NAV3: variants seen among roughly 807,000 people sequenced by gnomAD.
The protein encoded by NAV3 is pore membrane and/or filament interacting like protein 1.
A neutral mutation model predicts 244.7 loss-of-function variants in NAV3; 87 were observed. That is an observed-to-expected ratio of 0.36 (90% confidence interval 0.30 to 0.42). The LOEUF is 0.42. Among genes scored for constraint, NAV3 ranks in the 20% least tolerant of loss-of-function variants. NAV3 has a pLI of 1.00. For synonymous variants in NAV3, 1,126 were observed against 1,042.2 expected, an observed-to-expected ratio of 1.08 and a Z score of -1.55; for missense variants, 2,663 against 2,893.3, an observed-to-expected ratio of 0.92 and a Z score of 1.83.
At chr12:77,653,125 A>G (rs1872903781) in intron 2 of NAV3, among the ~76,000 whole-genome samples, 1 of 152,216 alleles carries the variant, frequency 6.6e-6, no homozygotes, top group Admixed American at 6.5e-5. Flanking sequence ...GGGTTACAGA[A>G]TGCAACATAG....
intron 2 of NAV3, among the ~76,000 whole-genome samples, chr12:77,642,899 A>G (rs969040530): frequency 2.6e-5 from 4 of 152,108 alleles, no homozygotes; most frequent in African/African-American, 9.6e-5. Context: ...AACCTTATAA[A>G]CATATCCATC....
At chr12:78,088,097 T>A (rs932767498) in intron 12 of NAV3, among the ~76,000 whole-genome samples, 5 of 151,114 alleles carry the variant, frequency 3.3e-5, no homozygotes. Context: ...CTCATATAAC[T>A]TATGAGGGTC....
At chr12:77,861,019 C>T (rs1305004466) in intron 1 of NAV3, among the ~76,000 whole-genome samples, 2 of 151,798 alleles carry the variant, frequency 1.3e-5, no homozygotes. Flanking sequence ...TTGCAAAATT[C>T]CATTAATTCC....
At chr12:78,112,901 G>A (rs748550716) in intron 12 of NAV3, among the ~76,000 whole-genome samples, 4 of 152,068 alleles carry the variant, frequency 2.6e-5, no homozygotes, top group Admixed American at 6.6e-5. Flanking sequence ...CTGTAAATTC[G>A]AAAGCAAGTT....
rs183212974 is a variant in NAV3, at chr12:77,655,386, C to T, written c.72+83120C>T. Among the ~76,000 whole-genome samples, 1,013 of 151,966 alleles carry T rather than the reference C, an allele frequency of 6.7e-3. 10 individuals are homozygous for T. The highest frequency in any genetic ancestry group is 0.023 in the African/African-American group (969 of 41,450). On this transcript the variant is annotated intron_variant, in intron 2 of 8. Transcript: ENST00000550042. ...GGAAGATGAAATGAATGAAGTGAAG[C>T]GAGAAGGGAAGTTTAGAGAAAAAAG... is the stretch of plus-strand genomic sequence containing the variant.
At chr12:78,200,635 AAGC>A in intron 38 of NAV3, 44 bp downstream of exon 38, 1 of 1,246,070 alleles carries the variant, frequency 8.0e-7, no homozygotes, top group Non-Finnish European at 1.1e-6. Flanking sequence ...TAAAAAAAAA[AAGC>A]AAAAAAAATT....
intron 2 of NAV3, among the ~76,000 whole-genome samples, chr12:77,708,866 G>A (rs1314172772): frequency 1.3e-5 from 2 of 152,146 alleles, no homozygotes; most frequent in African/African-American, 4.8e-5. Context: ...CTGTTTGTCT[G>A]TTATTGGTGT....
chr12:78,036,664 C>G, intron 9 of NAV3: 1 of 490,748 alleles, frequency 2.0e-6, no homozygotes. Flanking sequence ...GTAAGTACTG[C>G]TGATTAGTAA....
intron 1 of NAV3, among the ~76,000 whole-genome samples, chr12:77,907,563 G>A (rs1886122341): frequency 6.6e-6 from 1 of 152,122 alleles, no homozygotes; most frequent in African/African-American, 2.4e-5. Context: ...TTTTAGGGCA[G>A]TGATGTGCCA....
intron 2 of NAV3, among the ~76,000 whole-genome samples, chr12:77,658,391 C>T (rs879659109): frequency 0.031 from 4,703 of 150,126 alleles, 133 homozygotes; most frequent in Middle Eastern, 0.034. Context: ...CCTAGGAATC[C>T]ACCTTACAAG....
chr12:78,023,500 A>G (rs999271307), intron 9 of NAV3, among the ~76,000 whole-genome samples: 9 of 152,304 alleles, frequency 5.9e-5, no homozygotes, highest in African/African-American at 2.2e-4. Flanking sequence ...CATAGTTTTC[A>G]GTCTAGGATT....
intron 1 of NAV3, among the ~76,000 whole-genome samples, chr12:77,933,373 A>G (rs1889009352): frequency 6.6e-6 from 1 of 152,204 alleles, no homozygotes; most frequent in South Asian, 2.1e-4. Context: ...GATAAAATTA[A>G]CAGCACTAGG....
chr12:77,657,987 C>CAATAT (rs2137020803), intron 2 of NAV3, among the ~76,000 whole-genome samples: 2 of 152,034 alleles, frequency 1.3e-5, no homozygotes, highest in African/African-American at 4.8e-5. Context: ...TATGACAAAC[C>CAATAT]CACAGCCAAT....
At chr12:78,030,736 A>C (rs896189886) in intron 9 of NAV3, among the ~76,000 whole-genome samples, 1 of 152,198 alleles carries the variant, frequency 6.6e-6, no homozygotes, top group Admixed American at 6.5e-5. Flanking sequence ...AACACCACAA[A>C]TAAATGAATA....
intron 2 of NAV3, among the ~76,000 whole-genome samples, chr12:77,653,525 CTG>C (rs911160528): frequency 6.6e-6 from 1 of 152,130 alleles, no homozygotes; most frequent in Non-Finnish European, 1.5e-5. Flanking sequence ...TTTAAATTAA[CTG>C]AGAATTAATG....
At chr12:77,790,956 C>T (rs538582640) in intron 2 of NAV3, among the ~76,000 whole-genome samples, 3 of 152,264 alleles carry the variant, frequency 2.0e-5, no homozygotes, top group African/African-American at 7.2e-5. Context: ...TGCATATGCC[C>T]TTTTAGTGTT....
chr12:78,211,248 T>TAGTCAACACTGATAAA lies in NAV3; in HGVS notation c.*734_*749dup, dbSNP rs1960859730. 1 of 152,638 alleles carries TAGTCAACACTGATAAA rather than the reference T, an allele frequency of 6.6e-6. No homozygotes were observed. Among genetic ancestry groups the TAGTCAACACTGATAAA allele is most frequent in the Non-Finnish European group, 1.5e-5 (1 of 68,038 alleles). The allele number at this position is 152,638 out of a possible 1,614,324, so 9.5% of individuals were successfully genotyped here. On this transcript the variant is annotated 3_prime_UTR_variant, in exon 40 of 40. Transcript: ENST00000397909. ...TTAACAAGAGTTTTATACCAATTAT[T>TAGTCAACACTGATAAA]AGTCAACACTGATAAAAGGCTTTTT...
At chr12:77,968,769 T>C in intron 5 of NAV3, 67 bp downstream of exon 5, 1 of 1,474,638 alleles carries the variant, frequency 6.8e-7, no homozygotes, top group South Asian at 1.2e-5. Flanking sequence ...TTTTAACAAA[T>C]TATTGTCCAT....
At chr12:78,064,990 C>G (rs145408703) in intron 12 of NAV3, among the ~76,000 whole-genome samples, 75 of 152,000 alleles carry the variant, frequency 4.9e-4, no homozygotes, top group African/African-American at 1.7e-3. Context: ...CTAACAGATA[C>G]GTAAGATCAA....
Sources: gnomAD v4.1 joint callset for allele counts (sites outside exome capture counted in the v4.1 genomes callset) on GRCh38, gnomAD v4.1.1 for gene constraint, MANE v1.5 for transcripts, NCBI Gene and HGNC (gene_info 2026-07-23, HGNC 2026-07-21) for gene names.